Variants in PFKP observed in about 807,000 individuals in gnomAD.
The protein encoded by PFKP is phosphofructokinase, platelet.
Under a neutral mutation model 94.3 loss-of-function variants are expected in PFKP, and 101 were observed. The ratio of observed to expected loss-of-function variants is 1.07; its 90% CI spans 0.91 to 1.26. PFKP has a LOEUF of 1.26. Among genes scored for constraint, PFKP ranks in the 50% most tolerant of loss-of-function variants. The pLI is 0.00. For missense variants in PFKP, 1,145 were observed against 1,103.3 expected, an observed-to-expected ratio of 1.04 and a Z score of -0.53; for synonymous variants, 573 against 432.6, an observed-to-expected ratio of 1.32 and a Z score of -4.03.
rs1314295150 is a variant in PFKP at position 3,105,506 on chromosome 10, T to C, written c.774+5T>C. 5.0e-6 allele frequency: 8 copies of C among 1,595,126 alleles called. No individual in the cohort carries two copies. Among genetic ancestry groups the C allele is most frequent in the Middle Eastern group, 1.7e-4 (1 of 6,028 alleles). ...ATGTGTGTCAAACTCTCGGAGGTAA[T>C]GCGGGTCCCGTGGCCGTTGATAGCG... On this transcript the variant is annotated splice_donor_5th_base_variant and intron_variant, in intron 7 of 21. Coordinates refer to ENST00000381125, the MANE Select transcript of PFKP (RefSeq NM_002627.5).
chr10:3,116,778 C>G lies in PFKP; in HGVS notation c.1374C>G (p.Ile458Met). Reference protein sequence around the residue: ...DGFDGFAKGQIKEIGWTDVGG... With the variant: ...DGFDGFAKGQMKEIGWTDVGG... ...TTCGTTCTGTGTTTGCACATTAGAT[C>G]AAAGAAATCGGCTGGACAGATGTCG... is the stretch of plus-strand genomic sequence containing the variant. The change falls in exon 14 of 22, where the codon ATC becomes ATG. Residue 458 changes from isoleucine (I) to methionine (M), a missense_variant and splice_region_variant. Around this residue, in one of 3 missense-constraint regions of PFKP, gnomAD observed 1,119 missense variants for 1,062.8 expected, o/e 1.05. Coordinates refer to ENST00000381125, the MANE Select transcript of PFKP (RefSeq NM_002627.5). 1 of 1,612,962 alleles carries G rather than the reference C, an allele frequency of 6.2e-7. No homozygotes were observed. The highest frequency in any genetic ancestry group is 1.1e-5 in the South Asian group (1 of 91,064).
chr10:3,117,141 G>A (rs901259156), intron 14 of PFKP, among the ~76,000 whole-genome samples: 1 of 152,210 alleles, frequency 6.6e-6, no homozygotes, highest in African/African-American at 2.4e-5. Flanking sequence ...CCACTTGGAG[G>A]TCATAAAGAT....
chr10:3,111,626 G>A (rs1231943185), intron 10 of PFKP, among the ~76,000 whole-genome samples: 1 of 152,040 alleles, frequency 6.6e-6, no homozygotes, highest in Non-Finnish European at 1.5e-5. Flanking sequence ...GCTGGAAGTA[G>A]GAGTATTTTT....
intron 10 of PFKP, among the ~76,000 whole-genome samples, chr10:3,111,148 G>A (rs1345521050): frequency 6.6e-6 from 1 of 152,172 alleles, no homozygotes; most frequent in Admixed American, 6.5e-5. Context: ...GCATGTCTGT[G>A]TGTGCATGTG....
chr10:3,092,705 C>G (rs901382028), intron 2 of PFKP, among the ~76,000 whole-genome samples: 4 of 152,214 alleles, frequency 2.6e-5, no homozygotes, highest in African/African-American at 9.6e-5. Context: ...AAAAACCTTT[C>G]CCTTCCTGAT....
chr10:3,128,112 T>C (rs201119540), intron 16 of PFKP, among the ~76,000 whole-genome samples: 2 of 140,424 alleles, frequency 1.4e-5, no homozygotes, highest in African/African-American at 5.1e-5. Flanking sequence ...GACGGACGGC[T>C]GGCTGGGGAA....
At chr10:3,114,977 T>A (rs1287526600) in intron 13 of PFKP, among the ~76,000 whole-genome samples, 2 of 152,084 alleles carry the variant, frequency 1.3e-5, no homozygotes, top group Non-Finnish European at 2.9e-5. Flanking sequence ...AGATGGTGGG[T>A]CCAGACTGGC....
At chr10:3,068,770 A>C in intron 1 of PFKP, 1 of 846,778 alleles carries the variant, frequency 1.2e-6, no homozygotes, top group Non-Finnish European at 1.4e-6. Flanking sequence ...AGGCGAACGC[A>C]ACCTGGGAGC....
chr10:3,134,592 C>T lies in PFKP; in HGVS notation c.2122+10C>T, dbSNP rs1480646338. 2.5e-6 allele frequency: 4 copies of T among 1,580,898 alleles called. No individual in the cohort carries two copies. The highest frequency in any genetic ancestry group is 2.2e-5 in the East Asian group (1 of 44,738). On this transcript the variant is annotated intron_variant, in intron 20 of 21. Coordinates refer to ENST00000381125, the MANE Select transcript of PFKP (RefSeq NM_002627.5). The stretch of plus-strand genomic sequence containing the variant: ...GAGGCCCGGGGCAGAGGTAAGGGGT[C>T]TGGGGAGGGAGGCCACAGCCTCGTG...
chr10:3,110,365 A>ATTTTTTTTTTTTTTTTTTT (rs57980780), intron 10 of PFKP, among the ~76,000 whole-genome samples: 5 of 92,582 alleles, frequency 5.4e-5, no homozygotes, highest in Admixed American at 1.3e-4. Context: ...CGCCTGGCTA[A>ATTTTTTTTTTTTTTTTTTT]TTTTTTTTTT....
In PFKP at chr10:3,109,678, G is replaced by A. The variant is rs150134684; in HGVS notation, c.1089+198G>A. 1.4e-4 allele frequency among the ~76,000 whole-genome samples: 22 copies of A among 152,298 alleles called. No individual in the cohort carries two copies. In the East Asian group the frequency reaches 3.9e-3, roughly 27 times the overall value. On this transcript the variant is annotated intron_variant, in intron 10 of 21. Transcript: ENST00000381125. Reference sequence around the variant, plus strand: ...CACCTGCAGAGCCTGCGCCGTCTTCGCTCTTTGGTTTTCTAAGTTACCATC... The same window carrying A: ...CACCTGCAGAGCCTGCGCCGTCTTCACTCTTTGGTTTTCTAAGTTACCATC...
At position 3,112,221 on chromosome 10, in the gene PFKP, G is replaced by A. The variant is rs909845275; in HGVS notation, c.1090-1G>A. 1 of 1,612,172 alleles carries A rather than the reference G, an allele frequency of 6.2e-7. No individual in the cohort carries two copies. The highest frequency in any genetic ancestry group is 8.5e-7 in the Non-Finnish European group (1 of 1,178,234). ...TCTTCTTTTCATCATTGTTTTAAAA[G>A]ACTCAGGATGTGCAGAAGGCGATGG... On this transcript the variant is annotated splice_acceptor_variant, in intron 10 of 21. Transcript: ENST00000381125. LOFTEE classifies it high-confidence loss of function.
At position 3,082,450 on chromosome 10, in the gene PFKP, T is replaced by C. The variant is rs866996581; in HGVS notation, c.175T>C (p.Phe59Leu). 1.9e-6 allele frequency: 3 copies of C among 1,605,938 alleles called. No homozygotes were observed. Among genetic ancestry groups the C allele is most frequent in the South Asian group, 2.2e-5 (2 of 90,462 alleles). The change falls in exon 2 of 22, where the codon TTC (phenylalanine) becomes CTC (leucine). Residue 59 changes from phenylalanine to leucine, a missense_variant. Physicochemically the swap from Phe to Leu is conservative, Grantham distance 22. This residue lies in a region of PFKP where 1,119 missense variants were observed against 1,062.8 expected (regional missense o/e 1.05). Coordinates refer to ENST00000381125, the MANE Select transcript of PFKP (RefSeq NM_002627.5). ...MGIYVGAKVY[F>L]IYEGYQGMVD... ...TATCTACGTGGGGGCCAAGGTGTAC[T>C]TCATCTACGAGGTCAGTGTCTGCCC...
chr10:3,115,482 G>A (rs1437989768), intron 13 of PFKP, among the ~76,000 whole-genome samples: 1 of 146,266 alleles, frequency 6.8e-6, no homozygotes, highest in Admixed American at 6.9e-5. Flanking sequence ...TGGAGGACAG[G>A]ACTGGGGATG....
chr10:3,123,328 G>T (rs944950091), intron 16 of PFKP, among the ~76,000 whole-genome samples: 1 of 152,248 alleles, frequency 6.6e-6, no homozygotes, highest in Non-Finnish European at 1.5e-5. Flanking sequence ...CCTCGTGACT[G>T]ATTCACAGCC....
At chr10:3,090,257 G>T (rs923568958) in intron 2 of PFKP, among the ~76,000 whole-genome samples, 9 of 152,210 alleles carry the variant, frequency 5.9e-5, no homozygotes, top group African/African-American at 1.7e-4. Context: ...TCTCAGACCT[G>T]GGTTTTGGGT....
Position 3,107,213 on chromosome 10 carries a change from G to T in PFKP, c.775-1G>T. The T allele has an allele frequency of 6.3e-7, 1 of 1,596,264 alleles. No individual in the cohort carries two copies. The highest frequency in any genetic ancestry group is 1.1e-5 in the South Asian group (1 of 90,646). On this transcript the variant is annotated splice_acceptor_variant, in intron 7 of 21. Transcript: ENST00000381125. LOFTEE classifies it high-confidence loss of function. ...AGAGCTTTAATTTTCTGTCTCCACA[G>T]AACCGTGCCCGGAAAAAAAGGCTGA... is the stretch of plus-strand genomic sequence containing the variant.
chr10:3,094,684 C>T (rs527304399), intron 2 of PFKP, among the ~76,000 whole-genome samples: 5 of 152,282 alleles, frequency 3.3e-5, no homozygotes, highest in East Asian at 1.9e-4. Flanking sequence ...AAATTCCTGC[C>T]GCCTCTCTTT....
intron 18 of PFKP, 93 bp downstream of exon 18, chr10:3,132,534 T>C (rs1838711918): frequency 2.2e-6 from 2 of 889,906 alleles, no homozygotes; most frequent in South Asian, 1.4e-5. Flanking sequence ...TGAGTGGTCA[T>C]TTCTTTGCCG....
Sources: gnomAD v4.1 joint callset for allele counts (sites outside exome capture counted in the v4.1 genomes callset) on GRCh38, gnomAD v4.1.1 for gene constraint, gnomAD v4.1.1 regional missense constraint, MANE v1.5 for transcripts, NCBI Gene and HGNC (gene_info 2026-07-23, HGNC 2026-07-21) for gene names.